The following HS6ST2 variants were observed in gnomAD, a reference collection of about 807,000 sequenced individuals.
The protein encoded by HS6ST2 is heparan sulfate 6-O-sulfotransferase 2.
A neutral mutation model predicts 33.0 loss-of-function variants in HS6ST2; 17 were observed. The ratio of observed to expected loss-of-function variants is 0.52; its 90% confidence interval spans 0.35 to 0.77. The LOEUF is 0.77. HS6ST2 is among the 30% of genes least tolerant of loss of function. The pLI, the probability that HS6ST2 is intolerant of heterozygous loss-of-function variation, is 0.01. For synonymous variants in HS6ST2, 248 were observed against 237.1 expected, an observed-to-expected ratio of 1.05 and a Z score of -0.42; for missense variants, 519 against 551.7, an observed-to-expected ratio of 0.94 and a Z score of 0.59.
intron 3 of HS6ST2, 75 bp from the exon 4 acceptor site, chrX:132,669,274 T>C: frequency 4.5e-6 from 4 of 895,620 alleles, no homozygotes. Context: ...GTCACTTCAT[T>C]TAAAGACTCT....
At chrX:132,773,357 C>T (rs2148324125) in intron 2 of HS6ST2, among the ~76,000 whole-genome samples, 1 of 108,519 alleles carries the variant, frequency 9.2e-6, no homozygotes, top group East Asian at 2.8e-4. Flanking sequence ...GAAATTGGAA[C>T]CCTCATGCAC....
At chrX:132,705,188 CGT>C (rs59172290) in intron 3 of HS6ST2, among the ~76,000 whole-genome samples, 39,993 of 102,710 alleles carry the variant, frequency 0.39, 6,492 homozygotes, top group Admixed American at 0.57. Flanking sequence ...TGTGGGCACG[CGT>C]GTGTGTGTGT....
At chrX:132,643,390 C>T (rs2063615864) in intron 4 of HS6ST2, among the ~76,000 whole-genome samples, 1 of 111,391 alleles carries the variant, frequency 9.0e-6, no homozygotes, top group Non-Finnish European at 1.9e-5. Context: ...TGAGTAAGAG[C>T]CATGTCCCAT....
chrX:132,793,277 T>G (rs1421542373), intron 2 of HS6ST2, among the ~76,000 whole-genome samples: 1 of 108,426 alleles, frequency 9.2e-6, no homozygotes, highest in East Asian at 2.9e-4. Flanking sequence ...GTCAGACTGG[T>G]CTCAAACTCC....
rs1353828470 is a variant in HS6ST2, at chrX:132,730,369, G to A, written c.948-21875C>T. Among the ~76,000 whole-genome samples the A allele has an allele frequency of 3.6e-5, 4 of 111,762 alleles. No individual in the cohort carries two copies. The South Asian group carries it at 1.1e-3, about 31-fold the overall frequency. ...TGTAATGCTCCATGTTTGCTAAAGC[G>A]ACAAGGAAAGAAAAGCAGGCAACAG... On this transcript the variant is annotated intron_variant, in intron 2 of 4. Transcript: ENST00000370833.
chrX:132,883,322 T>C (rs1156385468), intron 2 of HS6ST2, among the ~76,000 whole-genome samples: 1 of 111,474 alleles, frequency 9.0e-6, no homozygotes, highest in Non-Finnish European at 1.9e-5. Context: ...TATTGGTCTA[T>C]TCAGGGATTC....
intron 2 of HS6ST2, among the ~76,000 whole-genome samples, chrX:132,788,270 A>G (rs762545492): frequency 5.1e-4 from 57 of 111,730 alleles, no homozygotes; most frequent in Non-Finnish European, 9.2e-4. Flanking sequence ...TTTTCACAAT[A>G]TTTCAAATTT....
chrX:132,831,959 C>A (rs1279736690), intron 2 of HS6ST2, among the ~76,000 whole-genome samples: 2 of 111,798 alleles, frequency 1.8e-5, no homozygotes, highest in Non-Finnish European at 3.8e-5. Context: ...GAAATAGCTG[C>A]AGAACAACCA....
rs189733996 is a variant in HS6ST2 at position 132,922,421 on chromosome X, T to C, written c.947+34387A>G. 3.9e-3 allele frequency among the ~76,000 whole-genome samples: 434 copies of C among 112,096 alleles called. 1 individual carries two copies. Among genetic ancestry groups the C allele is most frequent in the African/African-American group, 0.013 (412 of 30,851 alleles). ...GGTTGTCTCCATTTATTCCACCTCTTCAAATGCAACTCATTACCAACAAGC... is the reference window on the plus strand; with the variant it reads ...GGTTGTCTCCATTTATTCCACCTCTCCAAATGCAACTCATTACCAACAAGC... On this transcript the variant is annotated intron_variant, in intron 2 of 4. Transcript: ENST00000370833.
chrX:132,661,151 C>T (rs1361695347), intron 4 of HS6ST2, among the ~76,000 whole-genome samples: 2 of 111,271 alleles, frequency 1.8e-5, no homozygotes, highest in Non-Finnish European at 3.8e-5. Flanking sequence ...GGTGGGGACA[C>T]ATAGCCTAAC....
At chrX:132,899,512 G>T (rs1216893665) in intron 2 of HS6ST2, among the ~76,000 whole-genome samples, 1 of 110,786 alleles carries the variant, frequency 9.0e-6, no homozygotes, top group African/African-American at 3.3e-5. Flanking sequence ...TACATAGGCT[G>T]GGATTTCTAG....
chrX:132,778,876 T>C (rs940045918), intron 2 of HS6ST2, among the ~76,000 whole-genome samples: 1 of 112,143 alleles, frequency 8.9e-6, no homozygotes, highest in East Asian at 2.8e-4. Context: ...TGAAAAGCTA[T>C]AAAAACATTT....
chrX:132,672,517 T>C (rs1209341188), intron 3 of HS6ST2, among the ~76,000 whole-genome samples: 2 of 111,672 alleles, frequency 1.8e-5, no homozygotes, highest in Non-Finnish European at 3.8e-5. Context: ...CCTGAGTAGC[T>C]ATCCTTTTCT....
chrX:132,937,326 T>C (rs747931927), intron 2 of HS6ST2, among the ~76,000 whole-genome samples: 42 of 111,629 alleles, frequency 3.8e-4, no homozygotes, highest in Non-Finnish European at 4.5e-4. Flanking sequence ...ACATTCTTCA[T>C]AGAAATAGAA....
intron 2 of HS6ST2, among the ~76,000 whole-genome samples, chrX:132,757,265 A>G (rs898468333): frequency 2.7e-5 from 3 of 111,666 alleles, no homozygotes; most frequent in Non-Finnish European, 3.8e-5. Flanking sequence ...TAGCAAAGGA[A>G]CTTCCCAAAG....
At chrX:132,913,921 A>G (rs182838789) in intron 2 of HS6ST2, among the ~76,000 whole-genome samples, 378 of 111,933 alleles carry the variant, frequency 3.4e-3, no homozygotes, top group African/African-American at 0.012. Flanking sequence ...CCACCAAATC[A>G]AACAGGATTA....
At chrX:132,637,809 T>TATA (rs199708858) in intron 4 of HS6ST2, among the ~76,000 whole-genome samples, 1 of 62,706 alleles carries the variant, frequency 1.6e-5, no homozygotes, top group African/African-American at 6.9e-5. Flanking sequence ...ATATTATATA[T>TATA]TATTTTATAT....
intron 4 of HS6ST2, among the ~76,000 whole-genome samples, chrX:132,638,903 C>T (rs1039315176): frequency 8.9e-6 from 1 of 112,400 alleles, no homozygotes; most frequent in Non-Finnish European, 1.9e-5. Context: ...ACCCAAAGGA[C>T]CAGTTCTGTG....
chrX:132,708,114 C>A (rs750497299), intron 3 of HS6ST2, among the ~76,000 whole-genome samples: 1 of 109,117 alleles, frequency 9.2e-6, no homozygotes, highest in East Asian at 2.9e-4. Flanking sequence ...ACTTTGCCAA[C>A]GGTTGGGGTC....
Sources: gnomAD v4.1 joint callset for allele counts (sites outside exome capture counted in the v4.1 genomes callset) on GRCh38, gnomAD v4.1.1 for gene constraint, MANE v1.5 for transcripts, NCBI Gene and HGNC (gene_info 2026-07-23, HGNC 2026-07-21) for gene names.